The following RAPGEF5 variants were observed in gnomAD, a reference collection of about 807,000 sequenced individuals.
RAPGEF5 encodes M-Ras-regulated GEF.
Under a neutral mutation model 125.2 loss-of-function variants are expected in RAPGEF5, and 65 were observed. The observed-to-expected ratio is 0.52, with a 90% CI of 0.43 to 0.64. The LOEUF is 0.64. RAPGEF5 is among the 30% of genes least tolerant of loss of function. The pLI is 0.00. For missense variants in RAPGEF5, 958 were observed against 1,048.1 expected, an observed-to-expected ratio of 0.91 and a Z score of 1.19; for synonymous variants, 391 against 385.9, an observed-to-expected ratio of 1.01 and a Z score of -0.16.
intron 24 of RAPGEF5, among the ~76,000 whole-genome samples, chr7:22,125,907 G>T (rs1782726543): frequency 2.0e-5 from 3 of 152,190 alleles, no homozygotes; most frequent in South Asian, 4.1e-4. Flanking sequence ...CAGCACTTTG[G>T]GAGGCTGAGG....
intron 7 of RAPGEF5, among the ~76,000 whole-genome samples, chr7:22,260,025 A>G (rs1782110594): frequency 6.6e-6 from 1 of 152,144 alleles, no homozygotes; most frequent in Non-Finnish European, 1.5e-5. Flanking sequence ...CAGAGGTTGC[A>G]GTGAGTGGAG....
chr7:22,293,788 GA>G (rs1381470954), intron 5 of RAPGEF5, among the ~76,000 whole-genome samples: 2 of 152,138 alleles, frequency 1.3e-5, no homozygotes, highest in African/African-American at 4.8e-5. Context: ...GGGAGAGCCT[GA>G]AAAGGGGGAA....
chr7:22,250,415 G>A (rs912693110), intron 7 of RAPGEF5, among the ~76,000 whole-genome samples: 2 of 152,118 alleles, frequency 1.3e-5, no homozygotes, highest in Non-Finnish European at 2.9e-5. Flanking sequence ...TTATCCTGGT[G>A]GAATTCAGCT....
At chr7:22,226,219 T>C (rs569365782) in intron 8 of RAPGEF5, among the ~76,000 whole-genome samples, 1 of 152,346 alleles carries the variant, frequency 6.6e-6, no homozygotes, top group Non-Finnish European at 1.5e-5. Context: ...AACAGAATGC[T>C]ATTCAGTTCA....
intron 5 of RAPGEF5, among the ~76,000 whole-genome samples, chr7:22,292,838 C>T (rs575105742): frequency 5.9e-5 from 9 of 152,334 alleles, no homozygotes; most frequent in South Asian, 2.1e-4. Flanking sequence ...TATTAGTTAA[C>T]GAGCATGAGG....
chr7:22,331,366 C>G (rs182064280), intron 1 of RAPGEF5, among the ~76,000 whole-genome samples: 89 of 152,244 alleles, frequency 5.8e-4, no homozygotes, highest in Admixed American at 2.2e-3. Context: ...AGGTGGAAGG[C>G]CCACAGAAGC....
chr7:22,183,768 T>C lies in RAPGEF5; in HGVS notation c.1204+9599A>G, dbSNP rs371230355. 5.9e-5 allele frequency among the ~76,000 whole-genome samples: 9 copies of C among 152,148 alleles called. No individual in the cohort carries two copies. In the East Asian group the frequency reaches 9.6e-4, roughly 16 times the overall value. On this transcript the variant is annotated intron_variant, in intron 11 of 25. Transcript: ENST00000665637. The stretch of plus-strand genomic sequence containing the variant: ...CGTGTGCAGGAACCTCCAGATTATC[T>C]CACCTTCAGCCTCTAGGACAAAACC...
chr7:22,270,298 C>G (rs1782387835), intron 6 of RAPGEF5, among the ~76,000 whole-genome samples: 1 of 152,228 alleles, frequency 6.6e-6, no homozygotes, highest in Non-Finnish European at 1.5e-5. Flanking sequence ...TTACCTGTGT[C>G]TGAGTACTCA....
intron 1 of RAPGEF5, among the ~76,000 whole-genome samples, chr7:22,325,243 C>T (rs1266050066): frequency 6.6e-6 from 1 of 152,192 alleles, no homozygotes; most frequent in Admixed American, 6.5e-5. Flanking sequence ...CATCTCTTTT[C>T]AACCAACCTA....
At chr7:22,170,083 G>GT (rs1259449408) in intron 11 of RAPGEF5, among the ~76,000 whole-genome samples, 3 of 151,890 alleles carry the variant, frequency 2.0e-5, no homozygotes, top group Non-Finnish European at 2.9e-5. Context: ...CAACAGAGTA[G>GT]TTTTTTTGTT....
intron 15 of RAPGEF5, among the ~76,000 whole-genome samples, chr7:22,157,305 G>C (rs1201658322): frequency 6.6e-6 from 1 of 152,172 alleles, no homozygotes; most frequent in Non-Finnish European, 1.5e-5. Flanking sequence ...TACCTCTGCT[G>C]TAGTACAATG....
At chr7:22,166,128 A>G (rs1333288629) in intron 12 of RAPGEF5, among the ~76,000 whole-genome samples, 1 of 149,316 alleles carries the variant, frequency 6.7e-6, no homozygotes, top group African/African-American at 2.4e-5. Flanking sequence ...GGGTCTCACT[A>G]TGTTGCCCAG....
Position 22,230,796 on chromosome 7 carries a change from C to T in RAPGEF5, c.870+50G>A, listed in dbSNP as rs149656444. On this transcript the variant is annotated intron_variant, in intron 8 of 25. Coordinates refer to ENST00000665637, the MANE Select transcript of RAPGEF5 (RefSeq NM_012294.5). ...TTTTAACACCTGCACTGTCTCACCA[C>T]CCTCAACACAGAAGGGTATGATGAG... is the stretch of plus-strand genomic sequence containing the variant. 4 of 1,489,380 alleles carry T rather than the reference C, an allele frequency of 2.7e-6. No homozygotes were observed. The African/African-American group carries it at 4.2e-5, about 16-fold the overall frequency. The allele number at this position is 1,489,380 out of a possible 1,614,324, so 92.3% of individuals were successfully genotyped here.
At chr7:22,158,293 A>G (rs1211995459) in intron 14 of RAPGEF5, among the ~76,000 whole-genome samples, 3 of 152,198 alleles carry the variant, frequency 2.0e-5, no homozygotes, top group Non-Finnish European at 2.9e-5. Flanking sequence ...TTAGATAGCT[A>G]AGTCATTCAG....
rs73683331 is a variant in RAPGEF5 at position 22,224,740 on chromosome 7, C to T, written c.871-4749G>A. ...AGCCTGTTCCCTCCTTTCACCGGCA[C>T]TGGCTCCAAAGCAACTCAGCTAAGC... On this transcript the variant is annotated intron_variant, in intron 8 of 25. Transcript: ENST00000665637. Among the ~76,000 whole-genome samples, 154 of 152,188 alleles carry T rather than the reference C, an allele frequency of 1.0e-3. 1 individual carries two copies. Among genetic ancestry groups the T allele is most frequent in the African/African-American group, 3.7e-3 (152 of 41,514 alleles).
intron 6 of RAPGEF5, among the ~76,000 whole-genome samples, chr7:22,268,061 G>A (rs1669427352): frequency 6.6e-6 from 1 of 152,138 alleles, no homozygotes; most frequent in Admixed American, 6.5e-5. Context: ...AACAGCCAGG[G>A]CATTATCACC....
chr7:22,188,784 A>G (rs944845566), intron 11 of RAPGEF5, among the ~76,000 whole-genome samples: 5 of 151,102 alleles, frequency 3.3e-5, no homozygotes, highest in African/African-American at 1.2e-4. Context: ...AAAAAAAAAA[A>G]GTCACTAGGT....
chr7:22,197,646 T>C (rs984293242), intron 9 of RAPGEF5, among the ~76,000 whole-genome samples: 4 of 152,134 alleles, frequency 2.6e-5, no homozygotes, highest in African/African-American at 4.8e-5. Flanking sequence ...TGTATCCTTA[T>C]AATTCAGCAC....
chr7:22,257,972 G>A, intron 7 of RAPGEF5, among the ~76,000 whole-genome samples: 1 of 152,064 alleles, frequency 6.6e-6, no homozygotes, highest in East Asian at 1.9e-4. Flanking sequence ...TGGGAAAAAA[G>A]GAATTATATG....
Sources: gnomAD v4.1 joint callset for allele counts (sites outside exome capture counted in the v4.1 genomes callset) on GRCh38, gnomAD v4.1.1 for gene constraint, MANE v1.5 for transcripts, NCBI Gene and HGNC (gene_info 2026-07-23, HGNC 2026-07-21) for gene names.